Variants in SNX29 observed in about 807,000 individuals in gnomAD.
The protein encoded by SNX29 is sorting nexin 29.
A neutral mutation model predicts 102.1 loss-of-function variants in SNX29; 78 were observed. That is an observed-to-expected ratio of 0.76 (90% CI 0.64 to 0.92). SNX29 has a LOEUF of 0.92. Among genes scored for constraint, SNX29 ranks in the 40% least tolerant of loss-of-function variants. The probability of loss-of-function intolerance (pLI) is 0.00; values close to 1 mark genes in which losing one functional copy is unlikely to be tolerated. For synonymous variants in SNX29, 580 were observed against 414.5 expected, an observed-to-expected ratio of 1.40 and a Z score of -4.85; for missense variants, 1,280 against 1,061.7, an observed-to-expected ratio of 1.21 and a Z score of -2.86.
At chr16:12,433,657 TTAGCTGGGC>T (rs1046894223) in intron 18 of SNX29, among the ~76,000 whole-genome samples, 4 of 131,368 alleles carry the variant, frequency 3.0e-5, no homozygotes, top group Non-Finnish European at 4.8e-5. Context: ...AAAAGGAAAC[TTAGCTGGGC>T]GTGGTGGGCG....
intron 15 of SNX29, among the ~76,000 whole-genome samples, chr16:12,334,900 C>CATTT: frequency 1.1e-4 from 1 of 8,938 alleles, no homozygotes; most frequent in Non-Finnish European, 3.5e-4. Context: ...AGCCCCAGAG[C>CATTT]CTTTTTTTTT....
chr16:12,343,023 C>T (rs2081660653), intron 15 of SNX29, among the ~76,000 whole-genome samples: 1 of 152,186 alleles, frequency 6.6e-6, no homozygotes, highest in Admixed American at 6.5e-5. Context: ...TTTTGATGCT[C>T]ATAAAATTTA....
chr16:12,168,662 C>T (rs1261063598), intron 13 of SNX29, among the ~76,000 whole-genome samples: 3 of 152,216 alleles, frequency 2.0e-5, no homozygotes, highest in Admixed American at 2.0e-4. Flanking sequence ...TTTCCCTTTG[C>T]TTCATCTCTC....
intron 13 of SNX29, among the ~76,000 whole-genome samples, chr16:12,175,498 A>G (rs1229432846): frequency 6.6e-6 from 1 of 152,054 alleles, no homozygotes; most frequent in Non-Finnish European, 1.5e-5. Context: ...AAACAAACAA[A>G]AAATTAGCCA....
At chr16:12,288,305 T>G (rs1331505026) in intron 15 of SNX29, among the ~76,000 whole-genome samples, 2 of 152,292 alleles carry the variant, frequency 1.3e-5, no homozygotes, top group Admixed American at 1.3e-4. Context: ...ACGGCCCCTT[T>G]CCATGGCAAT....
chr16:12,503,518 G>C (rs1246196790), intron 19 of SNX29, among the ~76,000 whole-genome samples: 1 of 152,190 alleles, frequency 6.6e-6, no homozygotes, highest in Non-Finnish European at 1.5e-5. Flanking sequence ...TGCCCAGGGA[G>C]TATCAACATT....
intron 15 of SNX29, chr16:12,297,371 A>G (rs996627304): frequency 1.3e-5 from 2 of 152,222 alleles, no homozygotes; most frequent in African/African-American, 4.8e-5. Context: ...GGCTGGAAAG[A>G]TGGTCTTTAT....
chr16:12,540,548 A>C (rs544031035), intron 20 of SNX29, among the ~76,000 whole-genome samples: 3 of 152,244 alleles, frequency 2.0e-5, no homozygotes, highest in African/African-American at 7.2e-5. Flanking sequence ...CCTGGCAGCC[A>C]CCCTATGCCA....
chr16:12,398,468 C>A lies in SNX29; in HGVS notation c.1922C>A (p.Thr641Lys), dbSNP rs200581572. ...RGPVPGDLSQ[T>K]SEDQSLSDFE... is the part of the protein sequence containing the mutation. ...TAGGTGCCTGGAGATTTGAGTCAAA[C>A]GTCCGAAGACCAGAGTTTGTCGGAT... Residue 641 changes from threonine to lysine, a missense_variant, in exon 17 of 21, where the codon ACG becomes AAG. Thr to Lys is a moderately conservative substitution (Grantham distance 78, BLOSUM62 -1). Coordinates refer to ENST00000566228, the MANE Select transcript of SNX29 (RefSeq NM_032167.5). The A allele has an allele frequency of 7.4e-6, 12 of 1,614,014 alleles. No individual in the cohort carries two copies. The highest frequency in any genetic ancestry group is 1.0e-5 in the Non-Finnish European group (12 of 1,179,880).
chr16:11,980,918 A>C (rs2055399680), intron 1 of SNX29, among the ~76,000 whole-genome samples: 1 of 150,882 alleles, frequency 6.6e-6, no homozygotes, highest in African/African-American at 2.4e-5. Context: ...TTTATTGTTT[A>C]CAAAAATTTT....
At chr16:12,208,976 C>T (rs377286228) in intron 14 of SNX29, among the ~76,000 whole-genome samples, 14 of 152,056 alleles carry the variant, frequency 9.2e-5, no homozygotes, top group East Asian at 1.9e-4. Context: ...CTGTTCTGCA[C>T]GGGTACATTG....
intron 8 of SNX29, among the ~76,000 whole-genome samples, chr16:12,057,823 TATA>T (rs749738242): frequency 2.7e-5 from 4 of 147,840 alleles, no homozygotes; most frequent in Non-Finnish European, 1.5e-5. Context: ...ATTTTATATA[TATA>T]TTTTTTTTTG....
chr16:12,547,324 G>A (rs961356778), intron 20 of SNX29, among the ~76,000 whole-genome samples: 3 of 152,220 alleles, frequency 2.0e-5, no homozygotes, highest in African/African-American at 7.2e-5. Context: ...CAGGAACAGA[G>A]AGGCCTTGCA....
chr16:12,395,905 G>A (rs922692022), intron 16 of SNX29, among the ~76,000 whole-genome samples: 2 of 152,230 alleles, frequency 1.3e-5, no homozygotes, highest in African/African-American at 4.8e-5. Flanking sequence ...TGTTGAGTAA[G>A]CTCGGCCTTT....
intron 3 of SNX29, among the ~76,000 whole-genome samples, chr16:12,009,295 A>G (rs1198837763): frequency 6.6e-6 from 1 of 152,106 alleles, no homozygotes; most frequent in Non-Finnish European, 1.5e-5. Flanking sequence ...AGAGCAGACC[A>G]TTGCTGGATT....
chr16:12,414,171 G>A (rs1597295830), intron 18 of SNX29, among the ~76,000 whole-genome samples: 1 of 152,202 alleles, frequency 6.6e-6, no homozygotes, highest in African/African-American at 2.4e-5. Flanking sequence ...GGTTGAATCT[G>A]TGGATGCAGA....
intron 14 of SNX29, among the ~76,000 whole-genome samples, chr16:12,225,844 T>TG (rs2077596264): frequency 6.6e-6 from 1 of 152,326 alleles, no homozygotes; most frequent in East Asian, 1.9e-4. Context: ...CACATTGACT[T>TG]GGGCACCCTC....
chr16:12,185,291 C>G (rs947081653), intron 13 of SNX29, among the ~76,000 whole-genome samples: 7 of 152,130 alleles, frequency 4.6e-5, no homozygotes, highest in African/African-American at 9.7e-5. Flanking sequence ...CTTGGCTGGT[C>G]TAAAGGGGCA....
intron 14 of SNX29, among the ~76,000 whole-genome samples, chr16:12,230,916 G>T (rs149490005): frequency 1.3e-5 from 2 of 152,080 alleles, no homozygotes; most frequent in East Asian, 3.9e-4. Context: ...CCATGATCTC[G>T]GCTCACTGCA....
Sources: gnomAD v4.1 joint callset for allele counts (sites outside exome capture counted in the v4.1 genomes callset) on GRCh38, gnomAD v4.1.1 for gene constraint, MANE v1.5 for transcripts, NCBI Gene and HGNC (gene_info 2026-07-23, HGNC 2026-07-21) for gene names.